NLGN1: variants seen among roughly 807,000 people sequenced by gnomAD.
NLGN1 encodes neuroligin-1.
NLGN1 carries 12 observed loss-of-function variants against 65.5 expected under a neutral mutation model. The ratio of observed to expected loss-of-function variants is 0.18; its 90% CI spans 0.12 to 0.30. The LOEUF (loss-of-function observed/expected upper bound fraction) is 0.30, where lower values mean the gene tolerates loss of function less well. NLGN1 is among the 10% of genes least tolerant of loss of function. NLGN1 has a pLI of 1.00. For synonymous variants in NLGN1, 350 were observed against 359.5 expected (o/e 0.97, Z 0.30); for missense variants, 750 against 1,007.1 (o/e 0.74, Z 3.46).
At chr3:173,995,322 A>T (rs930876410) in intron 4 of NLGN1, among the ~76,000 whole-genome samples, 6 of 152,154 alleles carry the variant, frequency 3.9e-5, no homozygotes, top group African/African-American at 1.4e-4. Context: ...GTCTCTGTAG[A>T]CTGGCTTTCT....
intron 3 of NLGN1, among the ~76,000 whole-genome samples, chr3:173,791,399 A>G (rs1560378946): frequency 6.6e-6 from 1 of 152,028 alleles, no homozygotes; most frequent in African/African-American, 2.4e-5. Flanking sequence ...TCCGCACACC[A>G]CCCAATTTAA....
intron 4 of NLGN1, among the ~76,000 whole-genome samples, chr3:174,174,446 AG>A (rs1343007754): frequency 2.6e-5 from 4 of 152,086 alleles, no homozygotes; most frequent in Non-Finnish European, 5.9e-5. Flanking sequence ...CCAGCAGTGT[AG>A]AAGTGTTCCC....
intron 4 of NLGN1, among the ~76,000 whole-genome samples, chr3:174,084,363 G>C (rs1742854207): frequency 6.6e-6 from 1 of 152,046 alleles, no homozygotes. Flanking sequence ...TTAGTGAATA[G>C]GTTGCAGCAA....
intron 4 of NLGN1, among the ~76,000 whole-genome samples, chr3:174,246,509 C>G (rs968450541): frequency 1.3e-5 from 2 of 152,136 alleles, no homozygotes. Flanking sequence ...AACTCAAACT[C>G]TTGGGCTTAA....
chr3:173,594,739 G>A (rs1343581494), intron 2 of NLGN1, among the ~76,000 whole-genome samples: 1 of 152,204 alleles, frequency 6.6e-6, no homozygotes, highest in Non-Finnish European at 1.5e-5. Flanking sequence ...CTTCAGCCTG[G>A]GCATCCAGGC....
intron 4 of NLGN1, among the ~76,000 whole-genome samples, chr3:174,190,336 C>T (rs182870218): frequency 1.3e-5 from 2 of 151,666 alleles, no homozygotes; most frequent in South Asian, 2.1e-4. Context: ...CCCATTCTAT[C>T]GCAAAACAGT....
At chr3:174,217,796 C>T (rs1324469824) in intron 4 of NLGN1, among the ~76,000 whole-genome samples, 1 of 151,914 alleles carries the variant, frequency 6.6e-6, no homozygotes, top group Non-Finnish European at 1.5e-5. Flanking sequence ...ATAGCAGGCT[C>T]AAGTAAGGCG....
chr3:174,188,292 G>C (rs1338227978), intron 4 of NLGN1, among the ~76,000 whole-genome samples: 2 of 151,876 alleles, frequency 1.3e-5, no homozygotes, highest in Non-Finnish European at 2.9e-5. Flanking sequence ...GTTTGAATTT[G>C]AGTAAACTCT....
At chr3:173,844,485 G>C (rs1725375634) in intron 4 of NLGN1, among the ~76,000 whole-genome samples, 1 of 152,184 alleles carries the variant, frequency 6.6e-6, no homozygotes, top group African/African-American at 2.4e-5. Context: ...AGTTGAGAAT[G>C]AGAGTTTGAT....
chr3:173,932,072 T>A lies in NLGN1; in HGVS notation c.646+124240T>A, dbSNP rs574344418. On this transcript the variant is annotated intron_variant, in intron 4 of 6. Transcript: ENST00000457714. ...TTCCAGAGCAAATGGAAGGATTGGG[T>A]TTCCATTACTGAAAGATAAGAGTTA... Among the ~76,000 whole-genome samples, 6 of 152,134 alleles carry A rather than the reference T, an allele frequency of 3.9e-5. No individual in the cohort carries two copies. In the South Asian group the frequency reaches 8.3e-4, roughly 21 times the overall value.
chr3:174,232,060 A>C (rs933687357), intron 4 of NLGN1, among the ~76,000 whole-genome samples: 2 of 152,206 alleles, frequency 1.3e-5, no homozygotes, highest in African/African-American at 4.8e-5. Flanking sequence ...ACCACCAAAC[A>C]GGCTTTGTGT....
intron 4 of NLGN1, among the ~76,000 whole-genome samples, chr3:173,930,158 A>G (rs1743827623): frequency 6.6e-6 from 1 of 152,230 alleles, no homozygotes; most frequent in Admixed American, 6.5e-5. Context: ...TAAATGATGA[A>G]TGTTTTAGCT....
At chr3:173,939,843 C>G (rs1026009475) in intron 4 of NLGN1, among the ~76,000 whole-genome samples, 3 of 151,934 alleles carry the variant, frequency 2.0e-5, no homozygotes, top group African/African-American at 4.8e-5. Flanking sequence ...AATATCTAAT[C>G]AAGAGTCCAT....
At chr3:173,844,786 C>G (rs1341691444) in intron 4 of NLGN1, among the ~76,000 whole-genome samples, 1 of 152,176 alleles carries the variant, frequency 6.6e-6, no homozygotes, top group Non-Finnish European at 1.5e-5. Context: ...CTTTCTCATT[C>G]ATTTGACAAA....
intron 4 of NLGN1, among the ~76,000 whole-genome samples, chr3:174,088,918 C>T (rs1743986268): frequency 6.6e-6 from 1 of 151,826 alleles, no homozygotes; most frequent in Non-Finnish European, 1.5e-5. Context: ...CTGCAGAGTA[C>T]CTATTTTATG....
intron 4 of NLGN1, among the ~76,000 whole-genome samples, chr3:173,870,235 CTG>C (rs1730919944): frequency 6.6e-6 from 1 of 152,128 alleles, no homozygotes; most frequent in Non-Finnish European, 1.5e-5. Flanking sequence ...TTTAAAATCT[CTG>C]TTTTAAAATA....
chr3:174,107,404 C>A (rs1290790231), intron 4 of NLGN1, among the ~76,000 whole-genome samples: 1 of 152,042 alleles, frequency 6.6e-6, no homozygotes. Context: ...AAGACTTATG[C>A]CCGGCATTTT....
intron 3 of NLGN1, among the ~76,000 whole-genome samples, chr3:173,728,483 G>A (rs946881649): frequency 6.6e-6 from 1 of 151,944 alleles, no homozygotes; most frequent in African/African-American, 2.4e-5. Context: ...GCTTTAGAAT[G>A]GGCTAAATAT....
intron 4 of NLGN1, among the ~76,000 whole-genome samples, chr3:173,990,587 C>T (rs1720888174): frequency 6.6e-6 from 1 of 152,052 alleles, no homozygotes; most frequent in Non-Finnish European, 1.5e-5. Flanking sequence ...TCATTTGATG[C>T]AGCCAGTATC....
Sources: gnomAD v4.1 joint callset for allele counts (sites outside exome capture counted in the v4.1 genomes callset) on GRCh38, gnomAD v4.1.1 for gene constraint, MANE v1.5 for transcripts, NCBI Gene and HGNC (gene_info 2026-07-23, HGNC 2026-07-21) for gene names.